EHD4: variants seen among roughly 807,000 people sequenced by gnomAD.
EHD4 encodes the protein EH domain containing 4, also known as EH domain-containing protein 4.
EHD4 carries 37 observed loss-of-function variants against 51.0 expected under a neutral mutation model. The observed-to-expected ratio is 0.73, with a 90% CI of 0.56 to 0.95. The LOEUF (loss-of-function observed/expected upper bound fraction) is 0.95, where lower values mean the gene tolerates loss of function less well. EHD4 is among the 40% of genes least tolerant of loss of function. The probability of loss-of-function intolerance (pLI) is 0.00; values close to 1 mark genes in which losing one functional copy is unlikely to be tolerated. For missense variants in EHD4, 632 were observed against 733.1 expected (o/e 0.86, Z 1.59); for synonymous variants, 297 against 317.3 (o/e 0.94, Z 0.68).
At chr15:41,971,945 T>C (rs897983730) in intron 1 of EHD4, among the ~76,000 whole-genome samples, 3 of 152,240 alleles carry the variant, frequency 2.0e-5, no homozygotes, top group Non-Finnish European at 4.4e-5. Flanking sequence ...GTCAAGAATA[T>C]GCTGATTATG....
intron 3 of EHD4, among the ~76,000 whole-genome samples, chr15:41,932,839 C>T (rs928195649): frequency 1.3e-5 from 2 of 152,188 alleles, no homozygotes; most frequent in Non-Finnish European, 2.9e-5. Context: ...TTGTCTGAGT[C>T]CCAGGACTCG....
At chr15:41,953,019 A>AC in intron 2 of EHD4, among the ~76,000 whole-genome samples, 1 of 150,820 alleles carries the variant, frequency 6.6e-6, no homozygotes, top group African/African-American at 2.4e-5. Context: ...AAAAAAAAAA[A>AC]AACGACCACG....
At chr15:41,950,572 ATTGACTCTTTC>A (rs1366111333) in intron 2 of EHD4, among the ~76,000 whole-genome samples, 2 of 152,104 alleles carry the variant, frequency 1.3e-5, no homozygotes, top group African/African-American at 4.8e-5. Context: ...GCCCTAACTA[ATTGACTCTTTC>A]TTAAATAACT....
At chr15:41,963,921 G>A (rs1211556506) in intron 1 of EHD4, among the ~76,000 whole-genome samples, 4 of 151,938 alleles carry the variant, frequency 2.6e-5, no homozygotes, top group Admixed American at 2.6e-4. Context: ...CGAGGCAGGT[G>A]GATCATGAAG....
At chr15:41,957,696 C>T (rs1485056486) in intron 1 of EHD4, among the ~76,000 whole-genome samples, 5 of 152,166 alleles carry the variant, frequency 3.3e-5, no homozygotes, top group African/African-American at 1.2e-4. Context: ...CCCCCAGCTC[C>T]CTGGTGCTCT....
chr15:41,953,651 C>T lies in EHD4; in HGVS notation c.413+113G>A, dbSNP rs569579083. On this transcript the variant is annotated intron_variant, in intron 2 of 5. Coordinates refer to ENST00000220325, the MANE Select transcript of EHD4 (RefSeq NM_139265.4). ...ATGATAAACATATTTTGTATGACTT[C>T]TAGAGCAGAGATTCTTTGTTCTTCT... 2.8e-4 allele frequency: 333 copies of T among 1,176,142 alleles called. 1 individual carries two copies. The African/African-American group carries it at 4.8e-3, about 17-fold the overall frequency. 72.9% of individuals were successfully genotyped at this position (1,176,142 alleles called of 1,614,324 possible). A position where few individuals can be genotyped will look rare whatever the true frequency, so the allele number is the denominator to read the frequency against.
chr15:41,925,283 G>C (rs1055197759), intron 3 of EHD4, among the ~76,000 whole-genome samples: 4 of 152,218 alleles, frequency 2.6e-5, no homozygotes, highest in African/African-American at 9.7e-5. Context: ...CGAAGCTATA[G>C]TAGAAGCCTT....
chr15:41,932,304 C>A (rs534104147), intron 3 of EHD4, among the ~76,000 whole-genome samples: 2 of 152,168 alleles, frequency 1.3e-5, no homozygotes, highest in African/African-American at 4.8e-5. Flanking sequence ...CGTGAGTGGG[C>A]GGGTGAGCTG....
rs908261608 is a variant in EHD4, at chr15:41,899,405, T to A, written c.*1240A>T. ...TACAGGTATGTGCCCGAATCCTGCC[T>A]CGTGATGGGCATTCATGATACGAAC... On this transcript the variant is annotated 3_prime_UTR_variant, in exon 6 of 6. Coordinates refer to ENST00000220325, the MANE Select transcript of EHD4 (RefSeq NM_139265.4). 6.6e-6 allele frequency: 1 copy of A among 152,028 alleles called. No homozygotes were observed. The highest frequency in any genetic ancestry group is 2.4e-5 in the African/African-American group (1 of 41,360). The allele number at this position is 152,028 out of a possible 1,614,324, so 9.4% of individuals were successfully genotyped here. A position where few individuals can be genotyped will look rare whatever the true frequency, so the allele number is the denominator to read the frequency against.
In EHD4 at chr15:41,919,371, C is replaced by G. The variant is rs371789052; in HGVS notation, c.763G>C (p.Val255Leu). 6.8e-6 allele frequency: 11 copies of G among 1,613,618 alleles called. No homozygotes were observed. The African/African-American group carries it at 1.5e-4, about 22-fold the overall frequency. ...KVINTPEVLR[V>L]YIGSFWAQPL... is the part of the protein sequence containing the mutation. ...TGCGCCCAGAAGGAGCCAATGTAGA[C>G]GCGCAGTACCTCGGGCGTGTTGATG... The change falls in exon 4 of 6, where the codon GTC becomes CTC. Residue 255 changes from valine to leucine, a missense_variant. Transcript: ENST00000220325.
At chr15:41,916,098 C>T (rs1025303392) in intron 4 of EHD4, among the ~76,000 whole-genome samples, 17 of 152,354 alleles carry the variant, frequency 1.1e-4, no homozygotes, top group African/African-American at 4.1e-4. Context: ...CACAACCCAA[C>T]TCAGACTTGA....
intron 4 of EHD4, among the ~76,000 whole-genome samples, chr15:41,911,605 C>T (rs567015693): frequency 5.9e-5 from 9 of 152,282 alleles, no homozygotes; most frequent in Non-Finnish European, 1.2e-4. Flanking sequence ...CTCCACCTTC[C>T]TGGAAATTCT....
At chr15:41,924,840 T>C (rs1781316013) in intron 3 of EHD4, among the ~76,000 whole-genome samples, 1 of 152,140 alleles carries the variant, frequency 6.6e-6, no homozygotes. Flanking sequence ...GTGGATCGCC[T>C]GAGGTCAGGA....
chr15:41,954,083 C>G (rs2067870748), intron 1 of EHD4, 143 bp from the exon 2 acceptor site: 1 of 898,446 alleles, frequency 1.1e-6, no homozygotes, highest in Non-Finnish European at 1.7e-6. Context: ...CAATCCTCCT[C>G]TGCATTTCTG....
At chr15:41,956,637 C>T (rs1014575984) in intron 1 of EHD4, among the ~76,000 whole-genome samples, 1 of 152,188 alleles carries the variant, frequency 6.6e-6, no homozygotes, top group African/African-American at 2.4e-5. Context: ...CTGGACAGAC[C>T]TTTAACAATA....
chr15:41,941,209 A>G (rs1478618947), intron 3 of EHD4, among the ~76,000 whole-genome samples: 2 of 152,364 alleles, frequency 1.3e-5, no homozygotes, highest in African/African-American at 4.8e-5. Flanking sequence ...CTGATTAACC[A>G]TCATGATGTC....
At chr15:41,939,952 G>A (rs2067757913) in intron 3 of EHD4, among the ~76,000 whole-genome samples, 1 of 152,048 alleles carries the variant, frequency 6.6e-6, no homozygotes, top group African/African-American at 2.4e-5. Flanking sequence ...AGGAGATTTA[G>A]ATGACGTTTA....
chr15:41,970,925 G>C (rs1175138965), intron 1 of EHD4, among the ~76,000 whole-genome samples: 1 of 152,204 alleles, frequency 6.6e-6, no homozygotes, highest in Non-Finnish European at 1.5e-5. Flanking sequence ...GCCAGTTACT[G>C]TAATACAGCT....
Position 41,899,208 on chromosome 15 carries a change from A to G in EHD4, c.*1437T>C, listed in dbSNP as rs1275168231. On this transcript the variant is annotated 3_prime_UTR_variant, in exon 6 of 6. Coordinates refer to ENST00000220325, the MANE Select transcript of EHD4 (RefSeq NM_139265.4). ...CATAAATAATGCAGAGAGGCCATGCAGGTATGCAATTTTCTGGAGATGAGG... is the reference window on the plus strand; with the variant it reads ...CATAAATAATGCAGAGAGGCCATGCGGGTATGCAATTTTCTGGAGATGAGG... 6.6e-6 allele frequency: 1 copy of G among 152,176 alleles called. No individual in the cohort carries two copies. Among genetic ancestry groups the G allele is most frequent in the Non-Finnish European group, 1.5e-5 (1 of 68,028 alleles). The allele number at this position is 152,176 out of a possible 1,614,324, so 9.4% of individuals were successfully genotyped here.
Sources: gnomAD v4.1 joint callset for allele counts (sites outside exome capture counted in the v4.1 genomes callset) on GRCh38, gnomAD v4.1.1 for gene constraint, MANE v1.5 for transcripts, NCBI Gene and HGNC (gene_info 2026-07-23, HGNC 2026-07-21) for gene names.